The following TENM2 variants were observed in gnomAD, a reference collection of about 807,000 sequenced individuals.
TENM2 encodes the protein teneurin transmembrane protein 2, also known as teneurin-2.
TENM2 carries 52 observed loss-of-function variants against 245.2 expected under a neutral mutation model. The ratio of observed to expected loss-of-function variants is 0.21; its 90% CI spans 0.17 to 0.27. The LOEUF (loss-of-function observed/expected upper bound fraction) is 0.27, where lower values mean the gene tolerates loss of function less well. Ranked by LOEUF, TENM2 falls within the 10% of genes least tolerant of loss-of-function variation. The pLI, the probability that TENM2 is intolerant of heterozygous loss-of-function variation, is 1.00. For missense variants in TENM2, 3,046 were observed against 3,666.8 expected (o/e 0.83, Z 4.37); for synonymous variants, 1,363 against 1,438.9 (o/e 0.95, Z 1.19).
intron 2 of TENM2, among the ~76,000 whole-genome samples, chr5:167,735,372 C>G (rs928951336): frequency 2.0e-5 from 3 of 152,172 alleles, no homozygotes; most frequent in Non-Finnish European, 4.4e-5. Context: ...TTGTGAAAAT[C>G]AGAAAGTTTG....
chr5:167,526,904 C>T (rs768878981), intron 2 of TENM2, among the ~76,000 whole-genome samples: 7 of 152,004 alleles, frequency 4.6e-5, no homozygotes, highest in Non-Finnish European at 7.4e-5. Flanking sequence ...CTGAAATATT[C>T]GTAGGTATAT....
intron 27 of TENM2, among the ~76,000 whole-genome samples, chr5:168,248,976 A>G (rs1766847944): frequency 6.6e-6 from 1 of 152,108 alleles, no homozygotes; most frequent in Admixed American, 6.6e-5. Context: ...AAAATTAGCC[A>G]GGTGTGGTGG....
At chr5:167,495,228 T>C (rs1428569234) in intron 2 of TENM2, among the ~76,000 whole-genome samples, 3 of 113,698 alleles carry the variant, frequency 2.6e-5, no homozygotes, top group Non-Finnish European at 5.6e-5. Context: ...TTAATGTTTT[T>C]TTTGTTTTGT....
Position 167,910,869 on chromosome 5 carries a change from A to G in TENM2, c.712+34674A>G, listed in dbSNP as rs566276332. 3.3e-5 allele frequency among the ~76,000 whole-genome samples: 5 copies of G among 152,288 alleles called. No individual in the cohort carries two copies. The East Asian group carries it at 5.8e-4, about 18-fold the overall frequency. On this transcript the variant is annotated intron_variant, in intron 3 of 28. Transcript: ENST00000518659. ...AATCCATGGCAGCACAGTTAAATTC[A>G]TAAGAGCAAGAACCTATCATTACTC...
chr5:167,666,364 A>C (rs988084098), intron 2 of TENM2, among the ~76,000 whole-genome samples: 1 of 152,238 alleles, frequency 6.6e-6, no homozygotes, highest in Non-Finnish European at 1.5e-5. Context: ...ACTCATGTTT[A>C]CTGGCAAAAT....
rs573180166 is a variant in TENM2, at chr5:167,887,053, C to T, written c.712+10858C>T. ...AGAGAAGATATCATGACTACTATTC[C>T]TCCTCATTTCTAATCCAGTGTCCAT... On this transcript the variant is annotated intron_variant, in intron 3 of 28. Transcript: ENST00000518659. 4.5e-4 allele frequency among the ~76,000 whole-genome samples: 68 copies of T among 152,228 alleles called. 1 individual carries two copies. The highest frequency in any genetic ancestry group is 1.5e-3 in the African/African-American group (64 of 41,540).
chr5:167,422,060 G>A (rs184888916), intron 2 of TENM2, among the ~76,000 whole-genome samples: 1 of 152,262 alleles, frequency 6.6e-6, no homozygotes, highest in East Asian at 1.9e-4. Flanking sequence ...AAAGTGCTGG[G>A]ATTACAGGCG....
the TENM2 span, among the ~76,000 whole-genome samples, chr5:167,129,348 A>G: frequency 1.3e-5 from 2 of 152,168 alleles, no homozygotes; most frequent in Non-Finnish European, 2.9e-5. Context: ...CCTAATTCCC[A>G]GCTACTGTGG....
chr5:167,324,494 A>G lies in TENM2; in HGVS notation c.226+39431A>G, dbSNP rs1003197909. Among the ~76,000 whole-genome samples, 13 of 152,152 alleles carry G rather than the reference A, an allele frequency of 8.5e-5. 1 individual carries two copies. The highest frequency in any genetic ancestry group is 1.3e-4 in the Non-Finnish European group (9 of 68,030). On this transcript the variant is annotated intron_variant, in intron 1 of 28. Transcript: ENST00000518659. ...CAAATACTCGGGGACATGAGATTCT[A>G]TGATGAAAGCTCTGTTTTGATCACA...
chr5:168,131,108 G>T (rs1474683427), intron 12 of TENM2, among the ~76,000 whole-genome samples: 1 of 152,158 alleles, frequency 6.6e-6, no homozygotes, highest in Non-Finnish European at 1.5e-5. Context: ...CATTTGCATT[G>T]CCGGGGAATC....
At chr5:167,908,251 T>C (rs1453829375) in intron 3 of TENM2, among the ~76,000 whole-genome samples, 1 of 152,016 alleles carries the variant, frequency 6.6e-6, no homozygotes, top group Non-Finnish European at 1.5e-5. Context: ...CTCAGCAGGC[T>C]GTAAATCCTT....
chr5:167,301,095 G>A (rs930511507), intron 1 of TENM2, among the ~76,000 whole-genome samples: 2 of 152,140 alleles, frequency 1.3e-5, no homozygotes, highest in Admixed American at 6.5e-5. Flanking sequence ...AGAGTTACCC[G>A]AAGCTCAGCA....
At chr5:168,100,275 AC>A (rs1793701137) in intron 9 of TENM2, among the ~76,000 whole-genome samples, 1 of 152,222 alleles carries the variant, frequency 6.6e-6, no homozygotes, top group African/African-American at 2.4e-5. Flanking sequence ...ATGCCTTTAC[AC>A]TGTTGGTGGG....
intron 2 of TENM2, among the ~76,000 whole-genome samples, chr5:167,427,019 G>T (rs914391824): frequency 1.3e-5 from 2 of 151,990 alleles, no homozygotes; most frequent in African/African-American, 4.8e-5. Context: ...AGGGGTGAAA[G>T]AACAACATGT....
chr5:167,941,424 G>T (rs1040621047), intron 3 of TENM2, among the ~76,000 whole-genome samples: 1 of 152,152 alleles, frequency 6.6e-6, no homozygotes, highest in South Asian at 2.1e-4. Context: ...AAAAATAAGT[G>T]CACTGATTAT....
At chr5:167,295,924 T>A (rs934600125) in intron 1 of TENM2, among the ~76,000 whole-genome samples, 1 of 152,178 alleles carries the variant, frequency 6.6e-6, no homozygotes, top group African/African-American at 2.4e-5. Flanking sequence ...GAACAAATAC[T>A]GAGTGTGCAC....
At chr5:167,845,786 A>G (rs1429218673) in intron 2 of TENM2, among the ~76,000 whole-genome samples, 2 of 152,216 alleles carry the variant, frequency 1.3e-5, no homozygotes, top group African/African-American at 4.8e-5. Context: ...TGTCTTCAAA[A>G]TAGCCCTGGA....
the TENM2 span, among the ~76,000 whole-genome samples, chr5:167,018,378 CTT>C: frequency 6.4e-5 from 9 of 140,594 alleles, no homozygotes; most frequent in African/African-American, 7.7e-5. Context: ...TTCCCTGTTT[CTT>C]TTTTTTTTTT....
the TENM2 span, among the ~76,000 whole-genome samples, chr5:167,122,241 T>G: frequency 6.6e-6 from 1 of 152,110 alleles, no homozygotes; most frequent in South Asian, 2.1e-4. Flanking sequence ...TAATTACAAG[T>G]AAAAAATAAA....
Sources: allele counts gnomAD v4.1 joint callset (sites outside exome capture counted in the v4.1 genomes callset), GRCh38; gene constraint gnomAD v4.1.1; transcripts MANE v1.5; gene names NCBI Gene and HGNC (gene_info 2026-07-23, HGNC 2026-07-21).